Variants in FAM168A observed in about 807,000 individuals in gnomAD.
FAM168A encodes the protein family with sequence similarity 168 member A, also known as protein FAM168A.
Under a neutral mutation model 28.5 loss-of-function variants are expected in FAM168A, and 3 were observed. The ratio of observed to expected loss-of-function variants is 0.11; its 90% CI spans 0.05 to 0.27. The LOEUF is 0.27. Ranked by LOEUF, FAM168A falls within the 10% of genes least tolerant of loss-of-function variation. The pLI is 1.00. For synonymous variants in FAM168A, 122 were observed against 124.2 expected (o/e 0.98, Z 0.12); for missense variants, 222 against 311.5 (o/e 0.71, Z 2.16).
intron 1 of FAM168A, among the ~76,000 whole-genome samples, chr11:73,481,388 C>G (rs79183249): frequency 6.6e-6 from 1 of 152,222 alleles, no homozygotes; most frequent in Admixed American, 6.5e-5. Flanking sequence ...CACAGTCAGG[C>G]ACAGAGTACC....
intron 2 of FAM168A, among the ~76,000 whole-genome samples, chr11:73,441,152 G>A (rs1439114998): frequency 1.3e-5 from 2 of 150,994 alleles, no homozygotes; most frequent in Admixed American, 6.6e-5. Context: ...TCCGCATCCC[G>A]GGTTCAAGCG....
Position 73,416,441 on chromosome 11 carries a change from T to A in FAM168A, c.277+3433A>T, listed in dbSNP as rs558636654. ...ATAAAGCTCTATGTCTGAATCTTGC[T>A]TTGACCCCTAAGACTCCTTGTTGGT... is the stretch of plus-strand genomic sequence containing the variant. On this transcript the variant is annotated intron_variant, in intron 4 of 7. Coordinates refer to ENST00000356467, the MANE Select transcript of FAM168A (RefSeq NM_015159.3). 3.4e-4 allele frequency among the ~76,000 whole-genome samples: 52 copies of A among 152,322 alleles called. 1 individual carries two copies. The highest frequency in any genetic ancestry group is 3.0e-3 in the Admixed American group (46 of 15,290).
chr11:73,520,069 CAG>C (rs1008520809), intron 1 of FAM168A, among the ~76,000 whole-genome samples: 1 of 151,732 alleles, frequency 6.6e-6, no homozygotes, highest in African/African-American at 2.4e-5. Flanking sequence ...ATTTTGGAGG[CAG>C]AGTCTCACTC....
intron 1 of FAM168A, among the ~76,000 whole-genome samples, chr11:73,570,759 A>C (rs1322475135): frequency 6.6e-6 from 1 of 151,950 alleles, no homozygotes. Flanking sequence ...CAAGACAAGA[A>C]AAGAAAAAAA....
chr11:73,509,729 C>A (rs1467978173), intron 1 of FAM168A, among the ~76,000 whole-genome samples: 7 of 152,202 alleles, frequency 4.6e-5, no homozygotes, highest in African/African-American at 1.4e-4. Flanking sequence ...CTCTCCAGCA[C>A]TTAACAATGT....
At chr11:73,555,834 G>T (rs1943883884) in intron 1 of FAM168A, among the ~76,000 whole-genome samples, 2 of 152,116 alleles carry the variant, frequency 1.3e-5, no homozygotes, top group Admixed American at 6.6e-5. Context: ...CTTCCAAAGA[G>T]GGAACCATTC....
intron 1 of FAM168A, among the ~76,000 whole-genome samples, chr11:73,493,835 G>C (rs1029326565): frequency 2.6e-5 from 4 of 152,350 alleles, no homozygotes; most frequent in South Asian, 4.1e-4. Flanking sequence ...CAACAGAACA[G>C]AGGTGAAGAC....
chr11:73,418,722 C>G (rs1172826294), intron 4 of FAM168A, among the ~76,000 whole-genome samples: 3 of 152,180 alleles, frequency 2.0e-5, no homozygotes, highest in African/African-American at 7.2e-5. Flanking sequence ...CTCACCACAT[C>G]CAAAGTCAGT....
chr11:73,580,528 G>A, intron 1 of FAM168A: 1 of 593,194 alleles, frequency 1.7e-6, no homozygotes, highest in Non-Finnish European at 3.2e-6. Context: ...AGCGAAGTGT[G>A]TGCATTTTTA....
intron 1 of FAM168A, among the ~76,000 whole-genome samples, chr11:73,575,758 A>G (rs1012358238): frequency 6.6e-6 from 1 of 151,968 alleles, no homozygotes; most frequent in Non-Finnish European, 1.5e-5. Context: ...ACTCCCAGCT[A>G]CTCGGGAGGC....
At chr11:73,461,947 G>A (rs1177176131) in intron 2 of FAM168A, among the ~76,000 whole-genome samples, 1 of 151,462 alleles carries the variant, frequency 6.6e-6, no homozygotes, top group African/African-American at 2.4e-5. Flanking sequence ...ATTATTTAAA[G>A]AGAGAGAGAG....
At chr11:73,545,767 T>C (rs1359418819) in intron 1 of FAM168A, among the ~76,000 whole-genome samples, 3 of 144,324 alleles carry the variant, frequency 2.1e-5, no homozygotes, top group African/African-American at 5.1e-5. Context: ...ACGGCTGGAC[T>C]CAAACTCCTG....
chr11:73,488,753 T>C (rs1229490831), intron 1 of FAM168A, among the ~76,000 whole-genome samples: 1 of 152,222 alleles, frequency 6.6e-6, no homozygotes, highest in African/African-American at 2.4e-5. Flanking sequence ...CCCCTCTTTC[T>C]TGAGCATTAT....
intron 1 of FAM168A, among the ~76,000 whole-genome samples, chr11:73,504,733 T>C (rs959963279): frequency 6.6e-6 from 1 of 152,080 alleles, no homozygotes; most frequent in South Asian, 2.1e-4. Flanking sequence ...ACTGTTACAA[T>C]AGCAAAGACA....
At chr11:73,518,609 G>A (rs527785417) in intron 1 of FAM168A, among the ~76,000 whole-genome samples, 10 of 151,764 alleles carry the variant, frequency 6.6e-5, no homozygotes, top group African/African-American at 2.4e-4. Flanking sequence ...CTCTTAAAAC[G>A]AATTTGGGCC....
intron 1 of FAM168A, among the ~76,000 whole-genome samples, chr11:73,475,142 T>C (rs2134585538): frequency 6.6e-6 from 1 of 152,170 alleles, no homozygotes; most frequent in East Asian, 1.9e-4. Context: ...GACCATTAAA[T>C]GACAAGCAAA....
chr11:73,468,531 G>A, intron 1 of FAM168A, 39 bp from the exon 2 acceptor site: 1 of 1,468,896 alleles, frequency 6.8e-7, no homozygotes, highest in Non-Finnish European at 9.5e-7. Flanking sequence ...GATATTGATT[G>A]TTCATTCTTC....
chr11:73,587,896 T>G (rs1287976240), intron 1 of FAM168A, among the ~76,000 whole-genome samples: 1 of 152,070 alleles, frequency 6.6e-6, no homozygotes, highest in East Asian at 1.9e-4. Context: ...ATTACAGGTG[T>G]GTGCCACCAC....
chr11:73,554,499 T>A (rs1299719296), intron 1 of FAM168A, among the ~76,000 whole-genome samples: 1 of 152,194 alleles, frequency 6.6e-6, no homozygotes, highest in African/African-American at 2.4e-5. Flanking sequence ...AATGCTGAGT[T>A]TTAAAAGTAA....
Sources: allele counts gnomAD v4.1 joint callset (sites outside exome capture counted in the v4.1 genomes callset), GRCh38; gene constraint gnomAD v4.1.1; transcripts MANE v1.5; gene names NCBI Gene and HGNC (gene_info 2026-07-23, HGNC 2026-07-21).